FRMD6: variants seen among roughly 807,000 people sequenced by gnomAD.
The protein encoded by FRMD6 is FERM domain containing 6, also known as FERM domain-containing protein 6.
A neutral mutation model predicts 73.2 loss-of-function variants in FRMD6; 37 were observed. The ratio of observed to expected loss-of-function variants is 0.51; its 90% CI spans 0.39 to 0.66. The LOEUF (loss-of-function observed/expected upper bound fraction) is 0.66, where lower values mean the gene tolerates loss of function less well. Among genes scored for constraint, FRMD6 ranks in the 30% least tolerant of loss-of-function variants. The pLI is 0.00. For synonymous variants in FRMD6, 273 were observed against 282.2 expected (o/e 0.97, Z 0.33); for missense variants, 714 against 780.5 (o/e 0.91, Z 1.02).
chr14:51,601,690 G>T (rs1249892396), intron 2 of FRMD6, among the ~76,000 whole-genome samples: 2 of 152,116 alleles, frequency 1.3e-5, no homozygotes, highest in African/African-American at 2.4e-5. Flanking sequence ...TGGATAAAAG[G>T]CTTAAGACCC....
At chr14:51,496,754 G>T (rs1004487742) in intron 1 of FRMD6, among the ~76,000 whole-genome samples, 13 of 152,158 alleles carry the variant, frequency 8.5e-5, no homozygotes, top group African/African-American at 3.1e-4. Context: ...TCTACCATCT[G>T]GAAATAATTA....
chr14:51,411,629 G>A, the FRMD6 span, among the ~76,000 whole-genome samples: 2 of 152,176 alleles, frequency 1.3e-5, no homozygotes, highest in South Asian at 2.1e-4. Context: ...ATGCACCCAT[G>A]GTTTGATAAT....
the FRMD6 span, among the ~76,000 whole-genome samples, chr14:51,438,837 A>G: frequency 2.0e-5 from 3 of 152,056 alleles, no homozygotes; most frequent in Non-Finnish European, 4.4e-5. Flanking sequence ...TTTAATGCCA[A>G]GCTATATATA....
At chr14:51,622,346 G>C (rs6572782) in intron 2 of FRMD6, among the ~76,000 whole-genome samples, 128,252 of 152,102 alleles carry the variant, frequency 0.84, 54,460 homozygotes, top group African/African-American at 0.91. Flanking sequence ...TAATTTGCAC[G>C]AACAGGGTGC....
chr14:51,421,883 G>T, the FRMD6 span, among the ~76,000 whole-genome samples: 1 of 152,178 alleles, frequency 6.6e-6, no homozygotes, highest in Non-Finnish European at 1.5e-5. Flanking sequence ...CCTTGCTCTG[G>T]TGGCACTTGG....
At chr14:51,431,617 GA>G in the FRMD6 span, among the ~76,000 whole-genome samples, 1 of 152,180 alleles carries the variant, frequency 6.6e-6, no homozygotes, top group Non-Finnish European at 1.5e-5. Context: ...AAACATCATA[GA>G]TTTAGGTATA....
At chr14:51,416,600 G>A in the FRMD6 span, among the ~76,000 whole-genome samples, 29 of 152,302 alleles carry the variant, frequency 1.9e-4, no homozygotes, top group Non-Finnish European at 3.2e-4. Context: ...GAATAAGTGC[G>A]ATGTGGTGCT....
intron 2 of FRMD6, among the ~76,000 whole-genome samples, chr14:51,626,662 G>C (rs1891128366): frequency 6.6e-6 from 1 of 152,202 alleles, no homozygotes; most frequent in Non-Finnish European, 1.5e-5. Context: ...ATGAGGTCTA[G>C]TTAGACCCAT....
chr14:51,479,634 A>G, the FRMD6 span, among the ~76,000 whole-genome samples: 1 of 152,270 alleles, frequency 6.6e-6, no homozygotes, highest in Non-Finnish European at 1.5e-5. Context: ...AGTGCTCAGT[A>G]GAAGTTAGCT....
At position 51,651,985 on chromosome 14, in the gene FRMD6, A is replaced by C. The variant is rs904720264; in HGVS notation, c.-158A>C. 3.3e-5 allele frequency: 5 copies of C among 151,678 alleles called. No individual in the cohort carries two copies. Among genetic ancestry groups the C allele is most frequent in the Admixed American group, 3.3e-4 (5 of 15,246 alleles). The allele number at this position is 151,678 out of a possible 1,614,324, so 9.4% of individuals were successfully genotyped here. On this transcript the variant is annotated 5_prime_UTR_variant, in exon 1 of 14. Transcript: ENST00000344768. ...GAGAGCCCAACGCCTGGTGCTCAAG[A>C]CTTTCTCCGAGGTATGAACAAGAAC...
chr14:51,708,243 G>A lies in FRMD6; in HGVS notation c.714+10G>A, dbSNP rs55908828. The A allele has an allele frequency of 1.8e-3, 2,917 of 1,608,080 alleles. 44 individuals are homozygous for A. The African/African-American group carries it at 0.033, about 18-fold the overall frequency. On this transcript the variant is annotated intron_variant, in intron 7 of 13. Coordinates refer to ENST00000344768, the MANE Select transcript of FRMD6 (RefSeq NM_001267046.2). ...CTACAGATTGTATAAGGTATGAAAC[G>A]GCAACTAAGTCTTCAGCTTCTGAGA...
At chr14:51,620,474 G>A (rs1176946201) in intron 2 of FRMD6, among the ~76,000 whole-genome samples, 1 of 152,020 alleles carries the variant, frequency 6.6e-6, no homozygotes, top group African/African-American at 2.4e-5. Context: ...ACCGAGAAAG[G>A]TATGATTCCA....
intron 1 of FRMD6, among the ~76,000 whole-genome samples, chr14:51,542,105 G>A (rs900163433): frequency 1.3e-5 from 2 of 151,988 alleles, no homozygotes; most frequent in Non-Finnish European, 2.9e-5. Flanking sequence ...ATCTCTGGAA[G>A]CTGAACTTTG....
chr14:51,496,322 A>C (rs1883290037), intron 1 of FRMD6, among the ~76,000 whole-genome samples: 1 of 152,214 alleles, frequency 6.6e-6, no homozygotes, highest in Non-Finnish European at 1.5e-5. Flanking sequence ...CCCAAAATAT[A>C]GTGGCTGAAA....
At chr14:51,514,007 GC>G (rs1884475527) in intron 1 of FRMD6, among the ~76,000 whole-genome samples, 2 of 152,200 alleles carry the variant, frequency 1.3e-5, no homozygotes, top group South Asian at 4.1e-4. Context: ...TTCTTACTTT[GC>G]CAGGATTAAA....
At chr14:51,595,682 G>T (rs934454424) in intron 2 of FRMD6, among the ~76,000 whole-genome samples, 5 of 152,170 alleles carry the variant, frequency 3.3e-5, no homozygotes, top group Non-Finnish European at 7.3e-5. Flanking sequence ...ATGAATTGAA[G>T]ATAATATTGT....
At chr14:51,454,983 A>T in the FRMD6 span, among the ~76,000 whole-genome samples, 1 of 152,198 alleles carries the variant, frequency 6.6e-6, no homozygotes, top group Non-Finnish European at 1.5e-5. Context: ...CAGGAGTTTT[A>T]AAAACCTGTT....
chr14:51,597,028 T>C (rs1263745170), intron 2 of FRMD6, among the ~76,000 whole-genome samples: 3 of 152,238 alleles, frequency 2.0e-5, no homozygotes, highest in African/African-American at 7.2e-5. Flanking sequence ...TATAGGAGCC[T>C]GATTGCAATG....
At chr14:51,484,062 A>G in the FRMD6 span, among the ~76,000 whole-genome samples, 1 of 152,222 alleles carries the variant, frequency 6.6e-6, no homozygotes, top group Non-Finnish European at 1.5e-5. Flanking sequence ...AGCACCTTCA[A>G]CATAGATGTT....
Sources: gnomAD v4.1 joint callset for allele counts (sites outside exome capture counted in the v4.1 genomes callset) on GRCh38, gnomAD v4.1.1 for gene constraint, MANE v1.5 for transcripts, NCBI Gene and HGNC (gene_info 2026-07-23, HGNC 2026-07-21) for gene names.